KCNN3: variants seen among roughly 807,000 people sequenced by gnomAD.
KCNN3 encodes potassium calcium-activated channel subfamily N member 3.
A neutral mutation model predicts 62.9 loss-of-function variants in KCNN3; 16 were observed. The ratio of observed to expected loss-of-function variants is 0.25; its 90% CI spans 0.17 to 0.39. KCNN3 has a LOEUF of 0.39. Ranked by LOEUF, KCNN3 falls within the 10% of genes least tolerant of loss-of-function variation. The pLI is 1.00. For missense variants in KCNN3, 599 were observed against 949.4 expected, an observed-to-expected ratio of 0.63 and a Z score of 4.85; for synonymous variants, 370 against 389.2, an observed-to-expected ratio of 0.95 and a Z score of 0.58.
chr1:154,742,652 G>C (rs1700847539), intron 3 of KCNN3, among the ~76,000 whole-genome samples: 1 of 152,232 alleles, frequency 6.6e-6, no homozygotes, highest in African/African-American at 2.4e-5. Flanking sequence ...CATGCCAAAT[G>C]GCTCTGTGAC....
chr1:154,851,167 C>G (rs1008750626), intron 1 of KCNN3, among the ~76,000 whole-genome samples: 1 of 152,148 alleles, frequency 6.6e-6, no homozygotes, highest in Admixed American at 6.5e-5. Context: ...TTTGTAGAGA[C>G]GGGGTTTCAC....
At chr1:154,799,836 A>T (rs1214846029) in intron 2 of KCNN3, among the ~76,000 whole-genome samples, 1 of 152,186 alleles carries the variant, frequency 6.6e-6, no homozygotes. Flanking sequence ...GGTCACTGAG[A>T]TTAGTTCTGT....
chr1:154,748,290 C>T (rs553263039), intron 3 of KCNN3, among the ~76,000 whole-genome samples: 1 of 152,260 alleles, frequency 6.6e-6, no homozygotes, highest in East Asian at 1.9e-4. Flanking sequence ...GTCTGCCGCC[C>T]GCGCCTGCAA....
Position 154,732,988 on chromosome 1 carries a change from G to A in KCNN3, c.1590+15C>T, listed in dbSNP as rs1479876988. ...ACATTTTAAGGGTAGGGAATGGGGA[G>A]AGGCGGGTACTCACCATGATGCCAG... On this transcript the variant is annotated intron_variant, in intron 4 of 7. Transcript: ENST00000271915. 19 of 1,613,926 alleles carry A rather than the reference G, an allele frequency of 1.2e-5. No homozygotes were observed. Among genetic ancestry groups the A allele is most frequent in the Non-Finnish European group, 1.6e-5 (19 of 1,179,918 alleles).
chr1:154,736,197 A>C (rs1700708789), intron 3 of KCNN3, among the ~76,000 whole-genome samples: 1 of 152,208 alleles, frequency 6.6e-6, no homozygotes, highest in South Asian at 2.1e-4. Context: ...CAATGATGGG[A>C]GGATTAAGTA....
intron 1 of KCNN3, among the ~76,000 whole-genome samples, chr1:154,832,093 G>A (rs576624947): frequency 1.9e-4 from 29 of 151,958 alleles, no homozygotes; most frequent in Non-Finnish European, 2.4e-4. Flanking sequence ...TATAACAACC[G>A]GTCCCTGAAT....
At chr1:154,827,853 C>T (rs567973110) in intron 1 of KCNN3, among the ~76,000 whole-genome samples, 1 of 152,218 alleles carries the variant, frequency 6.6e-6, no homozygotes, top group East Asian at 1.9e-4. Context: ...CAGCTGTTGG[C>T]CCTCCCAGCA....
chr1:154,827,393 C>T (rs1651181828), intron 1 of KCNN3, among the ~76,000 whole-genome samples: 1 of 152,214 alleles, frequency 6.6e-6, no homozygotes, highest in Admixed American at 6.5e-5. Context: ...CAAGCCCTGG[C>T]CTTCCTCATT....
At chr1:154,714,694 C>T (rs899002457) in intron 6 of KCNN3, among the ~76,000 whole-genome samples, 182 bp downstream of exon 6, 2 of 140,070 alleles carry the variant, frequency 1.4e-5, no homozygotes, top group African/African-American at 5.4e-5. Context: ...TTTTACCTTC[C>T]ATAGCAGCCT....
chr1:154,840,920 C>G (rs968254773), intron 1 of KCNN3, among the ~76,000 whole-genome samples: 1 of 152,208 alleles, frequency 6.6e-6, no homozygotes, highest in Non-Finnish European at 1.5e-5. Context: ...GTGTGTGCAC[C>G]GCACCCTGCC....
chr1:154,854,127 C>A (rs1264221909), intron 1 of KCNN3, among the ~76,000 whole-genome samples: 1 of 151,836 alleles, frequency 6.6e-6, no homozygotes, highest in Non-Finnish European at 1.5e-5. Context: ...CCCAGCTACT[C>A]GGGAGGCTGA....
At chr1:154,843,980 G>C (rs998742353) in intron 1 of KCNN3, among the ~76,000 whole-genome samples, 2 of 152,200 alleles carry the variant, frequency 1.3e-5, no homozygotes, top group East Asian at 1.9e-4. Context: ...AAGTAGGAGG[G>C]GGGGCTGCAC....
chr1:154,841,450 C>T lies in KCNN3; in HGVS notation c.934-19266G>A, dbSNP rs116517082. Among the ~76,000 whole-genome samples the T allele has an allele frequency of 7.3e-3, 1,109 of 152,284 alleles. 6 individuals are homozygous for T. Among genetic ancestry groups the T allele is most frequent in the African/African-American group, 0.026 (1,069 of 41,550 alleles). Reference sequence around the variant, plus strand: ...TCAGAAGCTGGGAGCCAGGCATCAGCATTTTTTTAAAGATCCCCAGGGGAT... The same window carrying T: ...TCAGAAGCTGGGAGCCAGGCATCAGTATTTTTTTAAAGATCCCCAGGGGAT... On this transcript the variant is annotated intron_variant, in intron 1 of 7. Coordinates refer to ENST00000271915, the MANE Select transcript of KCNN3 (RefSeq NM_002249.6).
intron 2 of KCNN3, among the ~76,000 whole-genome samples, chr1:154,816,542 G>A (rs1650673879): frequency 6.6e-6 from 1 of 152,178 alleles, no homozygotes; most frequent in Non-Finnish European, 1.5e-5. Context: ...AAGGATGCCA[G>A]GCTCTGCTCC....
At chr1:154,769,539 T>C (rs1648457324) in intron 3 of KCNN3, among the ~76,000 whole-genome samples, 1 of 152,184 alleles carries the variant, frequency 6.6e-6, no homozygotes, top group Admixed American at 6.5e-5. Flanking sequence ...ATCTAAGTAC[T>C]TTGCAAACTA....
chr1:154,733,841 C>T (rs1479711232), intron 3 of KCNN3, among the ~76,000 whole-genome samples: 1 of 152,220 alleles, frequency 6.6e-6, no homozygotes, highest in Non-Finnish European at 1.5e-5. Flanking sequence ...ATCCCCAACA[C>T]CAAGACCTGC....
intron 1 of KCNN3, among the ~76,000 whole-genome samples, chr1:154,844,938 G>A (rs773830090): frequency 3.3e-5 from 5 of 152,068 alleles, no homozygotes; most frequent in African/African-American, 4.8e-5. Context: ...CCCAGGAGGT[G>A]GAGGTTGCAG....
chr1:154,801,237 C>T (rs2101873841), intron 2 of KCNN3, among the ~76,000 whole-genome samples: 1 of 152,226 alleles, frequency 6.6e-6, no homozygotes, highest in East Asian at 1.9e-4. Context: ...ACCATTTATC[C>T]CGGCAAAGTA....
At chr1:154,756,523 T>TC (rs879939759) in intron 3 of KCNN3, among the ~76,000 whole-genome samples, 2 of 151,496 alleles carry the variant, frequency 1.3e-5, no homozygotes, top group Admixed American at 6.6e-5. Context: ...AGTGACTCCT[T>TC]CCCCCCGGCT....
Sources: gnomAD v4.1 joint callset for allele counts (sites outside exome capture counted in the v4.1 genomes callset) on GRCh38, gnomAD v4.1.1 for gene constraint, MANE v1.5 for transcripts, NCBI Gene and HGNC (gene_info 2026-07-23, HGNC 2026-07-21) for gene names.